SOX6: variants seen among roughly 807,000 people sequenced by gnomAD.
The protein encoded by SOX6 is transcription factor SOX-6.
A neutral mutation model predicts 97.8 loss-of-function variants in SOX6; 11 were observed. The observed-to-expected ratio is 0.11, with a 90% CI of 0.07 to 0.19. The LOEUF is 0.19. Ranked by LOEUF, SOX6 falls within the 10% of genes least tolerant of loss-of-function variation. The probability of loss-of-function intolerance (pLI) is 1.00; values close to 1 mark genes in which losing one functional copy is unlikely to be tolerated. For missense variants in SOX6, 810 were observed against 1,039.5 expected (o/e 0.78, Z 3.04); for synonymous variants, 360 against 371.4 (o/e 0.97, Z 0.35).
intron 1 of SOX6, among the ~76,000 whole-genome samples, chr11:16,437,270 ATT>A (rs5789953): frequency 7.5e-5 from 11 of 146,166 alleles, no homozygotes; most frequent in East Asian, 2.0e-4. Context: ...CCCTGTCTCT[ATT>A]TTTTTTTTTT....
intron 1 of SOX6, among the ~76,000 whole-genome samples, chr11:16,408,069 C>T (rs1693948929): frequency 6.6e-6 from 1 of 152,066 alleles, no homozygotes; most frequent in Non-Finnish European, 1.5e-5. Context: ...TTTGATCAAC[C>T]AACTCCTCTC....
chr11:15,995,260 C>G (rs1033062683), intron 13 of SOX6, among the ~76,000 whole-genome samples: 1 of 152,122 alleles, frequency 6.6e-6, no homozygotes, highest in African/African-American at 2.4e-5. Context: ...CTTGGGCTTT[C>G]CACTGAAACT....
At chr11:16,258,522 T>C (rs1360515162) in intron 3 of SOX6, among the ~76,000 whole-genome samples, 1 of 152,022 alleles carries the variant, frequency 6.6e-6, no homozygotes, top group Non-Finnish European at 1.5e-5. Context: ...ACTATGAAGA[T>C]ATTAAAAAGA....
chr11:16,066,514 C>T (rs1848097247), intron 9 of SOX6, among the ~76,000 whole-genome samples: 1 of 152,138 alleles, frequency 6.6e-6, no homozygotes, highest in Non-Finnish European at 1.5e-5. Context: ...TGTCCATCAA[C>T]AGATGAATGA....
chr11:16,277,938 T>C (rs746694585), intron 3 of SOX6, among the ~76,000 whole-genome samples: 1 of 152,238 alleles, frequency 6.6e-6, no homozygotes, highest in African/African-American at 2.4e-5. Flanking sequence ...ATCTACATCA[T>C]AGAGTTATTG....
chr11:16,577,970 G>A (rs183110056), intron 4 of SOX6, among the ~76,000 whole-genome samples: 1 of 152,134 alleles, frequency 6.6e-6, no homozygotes, highest in Admixed American at 6.6e-5. Flanking sequence ...TGCCTTTGAT[G>A]TCATATCTAA....
chr11:16,569,055 G>T (rs1039253951), intron 4 of SOX6, among the ~76,000 whole-genome samples: 1 of 152,170 alleles, frequency 6.6e-6, no homozygotes, highest in African/African-American at 2.4e-5. Context: ...CATCATAGAG[G>T]TTGAAGAGCA....
chr11:16,606,241 TTC>T (rs1168894148), intron 4 of SOX6, among the ~76,000 whole-genome samples: 1 of 151,890 alleles, frequency 6.6e-6, no homozygotes, highest in Non-Finnish European at 1.5e-5. Context: ...TTTTTTTTTT[TTC>T]CTTTATATCT....
chr11:16,735,339 A>C (rs1848383625), intron 2 of SOX6, among the ~76,000 whole-genome samples: 1 of 152,160 alleles, frequency 6.6e-6, no homozygotes, highest in Non-Finnish European at 1.5e-5. Flanking sequence ...CATCCTGCCC[A>C]AACTGTTTTT....
chr11:16,457,298 T>C (rs1378956705), intron 1 of SOX6, among the ~76,000 whole-genome samples: 1 of 152,060 alleles, frequency 6.6e-6, no homozygotes, highest in Non-Finnish European at 1.5e-5. Flanking sequence ...AAAAATGCAA[T>C]GCAATCCTAA....
chr11:16,528,715 G>T (rs898783955), intron 4 of SOX6, among the ~76,000 whole-genome samples: 2 of 152,072 alleles, frequency 1.3e-5, no homozygotes, highest in Non-Finnish European at 2.9e-5. Flanking sequence ...GAAGATATGT[G>T]AATGAGAACC....
At chr11:16,346,299 C>T (rs1436043251) in intron 1 of SOX6, among the ~76,000 whole-genome samples, 1 of 151,980 alleles carries the variant, frequency 6.6e-6, no homozygotes, top group East Asian at 1.9e-4. Context: ...CCAAAATGCA[C>T]AATACCCAGG....
At chr11:16,186,673 A>ATTTT in intron 5 of SOX6, 110 bp downstream of exon 5, 1 of 1,272,730 alleles carries the variant, frequency 7.9e-7, no homozygotes, top group Non-Finnish European at 1.1e-6. Flanking sequence ...TCTTATTTTT[A>ATTTT]TTTTTATTTT....
At chr11:16,407,012 T>C (rs1176460293) in intron 1 of SOX6, among the ~76,000 whole-genome samples, 1 of 152,156 alleles carries the variant, frequency 6.6e-6, no homozygotes, top group Non-Finnish European at 1.5e-5. Context: ...AAGTTCACAT[T>C]TTTGTGTACT....
intron 6 of SOX6, among the ~76,000 whole-genome samples, chr11:16,145,386 C>A (rs1033081008): frequency 2.0e-5 from 3 of 152,144 alleles, no homozygotes; most frequent in Non-Finnish European, 4.4e-5. Context: ...AAACCCACAG[C>A]CAATATAATA....
intron 3 of SOX6, among the ~76,000 whole-genome samples, chr11:16,665,349 A>G (rs1441600675): frequency 6.6e-6 from 1 of 152,064 alleles, no homozygotes; most frequent in Non-Finnish European, 1.5e-5. Flanking sequence ...GGTAGCATTC[A>G]CCACAAGCTG....
At position 16,132,391 on chromosome 11, in the gene SOX6, A is replaced by AAAG. The variant is rs1849802630; in HGVS notation, c.778-20471_778-20469dup. Among the ~76,000 whole-genome samples the AAAG allele has an allele frequency of 5.6e-4, 49 of 88,146 alleles. 2 individuals carry two copies. The highest frequency in any genetic ancestry group is 2.4e-3 in the African/African-American group (49 of 20,292). 57.8% of individuals were successfully genotyped at this position (88,146 alleles called of 152,430 possible). A position where few individuals can be genotyped will look rare whatever the true frequency, so the allele number is the denominator to read the frequency against. Reference sequence around the variant, plus strand: ...GAAAGAAAGAAAGAAAGAAAGAAAGAAAGAAAGAAAAAAGAAAGAAAGAAA... The same window carrying AAAG: ...GAAAGAAAGAAAGAAAGAAAGAAAGAAAGAAGAAAGAAAAAAGAAAGAAAGAAA... On this transcript the variant is annotated intron_variant, in intron 6 of 15. Coordinates refer to ENST00000683767, the MANE Select transcript of SOX6 (RefSeq NM_001367873.1).
intron 3 of SOX6, among the ~76,000 whole-genome samples, chr11:16,659,847 G>T (rs1847752534): frequency 1.3e-5 from 2 of 152,132 alleles, no homozygotes; most frequent in Non-Finnish European, 2.9e-5. Flanking sequence ...CCTTGTGTGA[G>T]TTTTAGTAGA....
chr11:16,724,122 A>G (rs1035618219), intron 2 of SOX6, among the ~76,000 whole-genome samples: 2 of 152,212 alleles, frequency 1.3e-5, no homozygotes, highest in Non-Finnish European at 2.9e-5. Context: ...GAATACTTGG[A>G]TTTTTAGACT....
Sources: gnomAD v4.1 joint callset for allele counts (sites outside exome capture counted in the v4.1 genomes callset) on GRCh38, gnomAD v4.1.1 for gene constraint, MANE v1.5 for transcripts, NCBI Gene and HGNC (gene_info 2026-07-23, HGNC 2026-07-21) for gene names.